The following CLCN7 variants were observed in gnomAD, a reference collection of about 807,000 sequenced individuals.
The protein encoded by CLCN7 is H(+)/Cl(-) exchange transporter 7.
A neutral mutation model predicts 102.1 loss-of-function variants in CLCN7; 60 were observed. The ratio of observed to expected loss-of-function variants is 0.59; its 90% confidence interval spans 0.48 to 0.73. CLCN7 has a LOEUF of 0.73. Ranked by LOEUF, CLCN7 falls within the 30% of genes least tolerant of loss-of-function variation. The pLI is 0.00. For synonymous variants in CLCN7, 560 were observed against 490.5 expected, an observed-to-expected ratio of 1.14 and a Z score of -1.87; for missense variants, 962 against 1,125.7, an observed-to-expected ratio of 0.85 and a Z score of 2.08.
intron 23 of CLCN7, 73 bp from the exon 24 acceptor site, chr16:1,447,159 C>T (rs951863441): frequency 7.1e-7 from 1 of 1,400,656 alleles, no homozygotes; most frequent in East Asian, 2.5e-5. Context: ...CAAGCTGGCT[C>T]CCTGCACCCC....
At chr16:1,460,659 A>T (rs112477213) in intron 5 of CLCN7, 132 bp from the exon 6 acceptor site, 2 of 1,301,306 alleles carry the variant, frequency 1.5e-6, no homozygotes, top group Non-Finnish European at 2.2e-6. Flanking sequence ...TGGACATCCC[A>T]GAGACGTCTC....
chr16:1,474,907 A>G lies in CLCN7; in HGVS notation c.68T>C (p.Leu23Pro). 1 of 1,464,956 alleles carries G rather than the reference A, an allele frequency of 6.8e-7. No homozygotes were observed. Among genetic ancestry groups the G allele is most frequent in the Non-Finnish European group, 9.0e-7 (1 of 1,111,882 alleles). 90.7% of individuals were successfully genotyped at this position (1,464,956 alleles called of 1,614,324 possible). A position where few individuals can be genotyped will look rare whatever the true frequency, so the allele number is the denominator to read the frequency against. Residue 23 changes from leucine to proline, a missense_variant, in exon 1 of 25, where the codon CTG becomes CCG. Transcript: ENST00000382745. Reference protein sequence around the residue: ...RDRDDEEAAPLLRRTARPGGG... With the variant: ...RDRDDEEAAPPLRRTARPGGG... ...GCCGGGCCGCGCCGTCCTCCGCAGCAGCGGCGCCGCCTCCTCGTCGTCCCG... is the reference window on the plus strand; with the variant it reads ...GCCGGGCCGCGCCGTCCTCCGCAGCGGCGGCGCCGCCTCCTCGTCGTCCCG...
chr16:1,452,674 T>C (rs994127356), intron 15 of CLCN7, 81 bp downstream of exon 15: 1 of 1,461,868 alleles, frequency 6.8e-7, no homozygotes, highest in Non-Finnish European at 9.2e-7. Flanking sequence ...GCAGCCCTCC[T>C]CCCGTAGCCT....
intron 12 of CLCN7, among the ~76,000 whole-genome samples, chr16:1,454,682 G>T (rs1350855613): frequency 6.6e-6 from 1 of 152,214 alleles, no homozygotes; most frequent in Non-Finnish European, 1.5e-5. Context: ...GGCTCTCAGA[G>T]ACCCTGCCAC....
rs1325892542 is a variant in CLCN7 at position 1,446,988 on chromosome 16, C to T, written c.2331+18G>A. The stretch of plus-strand genomic sequence containing the variant: ...GAGCCCTGCACGGCATGCCTGCACC[C>T]CCACCGCCCCCGCTCACCTGATTGC... On this transcript the variant is annotated intron_variant, in intron 24 of 24. Coordinates refer to ENST00000382745, the MANE Select transcript of CLCN7 (RefSeq NM_001287.6). 1.9e-6 allele frequency: 3 copies of T among 1,564,992 alleles called. No homozygotes were observed. The highest frequency in any genetic ancestry group is 2.6e-6 in the Non-Finnish European group (3 of 1,159,096).
chr16:1,450,093 C>T (rs542311062), intron 17 of CLCN7: 15 of 222,476 alleles, frequency 6.7e-5, no homozygotes, highest in East Asian at 1.2e-4. Flanking sequence ...GGAAGGCCTG[C>T]GGGGGCTGAG....
Position 1,457,216 on chromosome 16 carries a change from T to C in CLCN7, c.822+38A>G. The C allele has an allele frequency of 6.3e-7, 1 of 1,580,390 alleles. No individual in the cohort carries two copies. Among genetic ancestry groups the C allele is most frequent in the Non-Finnish European group, 8.7e-7 (1 of 1,149,422 alleles). ...TGAGTGGTGCCCGTGCCCGTGCCCA[T>C]GGCATCTGGAGCCCACCCACACAAG... On this transcript the variant is annotated intron_variant, in intron 9 of 24. Coordinates refer to ENST00000382745, the MANE Select transcript of CLCN7 (RefSeq NM_001287.6). The surrounding 1 kb of genome is among the most constrained non-coding windows in gnomAD (Gnocchi z 5.4).
At chr16:1,464,168 T>C (rs1463333253) in intron 2 of CLCN7, among the ~76,000 whole-genome samples, 1 of 152,014 alleles carries the variant, frequency 6.6e-6, no homozygotes, top group Middle Eastern at 3.2e-3. Flanking sequence ...AAATCATGTA[T>C]TGGATGAGAG....
chr16:1,469,805 G>A (rs35538944), intron 1 of CLCN7, among the ~76,000 whole-genome samples: 22,233 of 152,284 alleles, frequency 0.15, 1,880 homozygotes, highest in African/African-American at 0.22. Context: ...ACCAAAATGC[G>A]GAAGCACCTG....
chr16:1,473,619 C>G (rs926766222), intron 1 of CLCN7, among the ~76,000 whole-genome samples: 1 of 150,730 alleles, frequency 6.6e-6, no homozygotes, highest in Non-Finnish European at 1.5e-5. Flanking sequence ...ATGATCCACC[C>G]GCCTCGGCCT....
intron 14 of CLCN7, 83 bp downstream of exon 14, chr16:1,453,751 A>G (rs2038790263): frequency 7.6e-7 from 1 of 1,318,046 alleles, no homozygotes; most frequent in Admixed American, 1.7e-5. Flanking sequence ...CTAGGAGTGT[A>G]AACCCCATTC....
chr16:1,446,387 A>G lies in CLCN7; in HGVS notation c.*244T>C. ...CTGATCCCTGGAGGTAAAGAAACCTAGACGAGGAGAGTGGAGGCTGGGCCT... is the reference window on the plus strand; with the variant it reads ...CTGATCCCTGGAGGTAAAGAAACCTGGACGAGGAGAGTGGAGGCTGGGCCT... On this transcript the variant is annotated 3_prime_UTR_variant, in exon 25 of 25. Coordinates refer to ENST00000382745, the MANE Select transcript of CLCN7 (RefSeq NM_001287.6). 2 of 702,366 alleles carry G rather than the reference A, an allele frequency of 2.8e-6. No homozygotes were observed. The highest frequency in any genetic ancestry group is 2.6e-6 in the Non-Finnish European group (1 of 384,802). 43.5% of individuals were successfully genotyped at this position (702,366 alleles called of 1,614,324 possible).
chr16:1,459,095 C>T lies in CLCN7; in HGVS notation c.675+12G>A, dbSNP rs1567271094. 1.2e-6 allele frequency: 2 copies of T among 1,604,240 alleles called. No individual in the cohort carries two copies. Among genetic ancestry groups the T allele is most frequent in the Non-Finnish European group, 8.5e-7 (1 of 1,172,926 alleles). On this transcript the variant is annotated intron_variant, in intron 7 of 24. Transcript: ENST00000382745. Reference sequence around the variant, plus strand: ...CGCCCACCCTGCCCAGCCAGGGCCACCGCACCCTCACCTTGAGCCGCACCA... The same window carrying T: ...CGCCCACCCTGCCCAGCCAGGGCCATCGCACCCTCACCTTGAGCCGCACCA...
rs777558617 is a variant in CLCN7 at position 1,449,272 on chromosome 16, A to G, written c.1669+4T>C. Reference sequence around the variant, plus strand: ...CCACCCATCGGGCAAGAGCTGGGACATACCCAGCTGGGCAGCAGCTCCCAT... The same window carrying G: ...CCACCCATCGGGCAAGAGCTGGGACGTACCCAGCTGGGCAGCAGCTCCCAT... On this transcript the variant is annotated splice_donor_region_variant and intron_variant, in intron 18 of 24. Transcript: ENST00000382745. 3 of 1,583,566 alleles carry G rather than the reference A, an allele frequency of 1.9e-6. No individual in the cohort carries two copies. The highest frequency in any genetic ancestry group is 2.6e-6 in the Non-Finnish European group (3 of 1,165,412).
At chr16:1,463,995 G>C (rs1459572830) in intron 2 of CLCN7, among the ~76,000 whole-genome samples, 1 of 152,110 alleles carries the variant, frequency 6.6e-6, no homozygotes, top group Admixed American at 6.5e-5. Context: ...GGCTGATCTT[G>C]AACTCCTGAG....
intron 12 of CLCN7, 53 bp downstream of exon 12, chr16:1,455,081 A>G: frequency 1.9e-6 from 2 of 1,052,100 alleles, no homozygotes; most frequent in Admixed American, 1.7e-5. Context: ...TTAAGCAAAC[A>G]GGGTCCTGGA....
intron 13 of CLCN7, among the ~76,000 whole-genome samples, 175 bp from the exon 14 acceptor site, chr16:1,454,069 G>T (rs1481936119): frequency 1.3e-5 from 2 of 152,228 alleles, no homozygotes; most frequent in Non-Finnish European, 2.9e-5. Context: ...AGGGCTGGGG[G>T]AGCTGTTTCT....
intron 21 of CLCN7, among the ~76,000 whole-genome samples, 157 bp from the exon 22 acceptor site, chr16:1,447,871 G>A (rs1339307719): frequency 1.3e-5 from 2 of 152,182 alleles, no homozygotes; most frequent in African/African-American, 2.4e-5. Context: ...GCCTCGCCAT[G>A]GCATCCCACA....
rs1596218683 is a variant in CLCN7, at chr16:1,455,795, C to A, written c.917G>T (p.Gly306Val). 1 of 1,613,470 alleles carries A rather than the reference C, an allele frequency of 6.2e-7. No homozygotes were observed. Among genetic ancestry groups the A allele is most frequent in the African/African-American group, 1.3e-5 (1 of 75,068 alleles). The change falls in exon 11 of 25, where the codon GGT becomes GTT. Residue 306 changes from glycine (G) to valine (V), a missense_variant and splice_region_variant. This residue lies in a region of CLCN7 where 799 missense variants were observed against 988.0 expected (regional missense o/e 0.81). Transcript: ENST00000382745. ...CTCCTCCAAGCTGAACAGGACCCCA[C>A]CTGGAAGGCAGGCGGCCGGCTCGGG... ...GVSAAFGAPV[G>V]GVLFSLEEGA...
Sources: allele counts gnomAD v4.1 joint callset (sites outside exome capture counted in the v4.1 genomes callset), GRCh38; gene constraint gnomAD v4.1.1; regional missense constraint gnomAD v4.1.1; non-coding constraint Gnocchi (gnomAD v3.1); transcripts MANE v1.5; gene names NCBI Gene and HGNC (gene_info 2026-07-23, HGNC 2026-07-21).